UBE2E2: variants seen among roughly 807,000 people sequenced by gnomAD.
UBE2E2 encodes the protein ubiquitin conjugating enzyme E2 E2, also known as ubiquitin-conjugating enzyme E2 E2.
UBE2E2 carries 6 observed loss-of-function variants against 24.7 expected under a neutral mutation model. That is an observed-to-expected ratio of 0.24 (90% CI 0.13 to 0.48). The LOEUF (loss-of-function observed/expected upper bound fraction) is 0.48, where lower values mean the gene tolerates loss of function less well. UBE2E2 is among the 20% of genes least tolerant of loss of function. The pLI is 0.99. For synonymous variants in UBE2E2, 104 were observed against 83.6 expected, an observed-to-expected ratio of 1.24 and a Z score of -1.33; for missense variants, 169 against 245.0, an observed-to-expected ratio of 0.69 and a Z score of 2.07.
intron 3 of UBE2E2, among the ~76,000 whole-genome samples, chr3:23,467,549 A>G (rs1698947510): frequency 6.6e-6 from 1 of 152,188 alleles, no homozygotes; most frequent in Admixed American, 6.5e-5. Context: ...GTTGCAATCA[A>G]GATTAATGTA....
At chr3:23,277,533 T>G (rs189170757) in intron 3 of UBE2E2, among the ~76,000 whole-genome samples, 1 of 152,162 alleles carries the variant, frequency 6.6e-6, no homozygotes, top group Non-Finnish European at 1.5e-5. Flanking sequence ...CGTAAGTATT[T>G]CTCTAAGAAA....
At chr3:23,457,312 T>A (rs1698700683) in intron 3 of UBE2E2, among the ~76,000 whole-genome samples, 1 of 152,210 alleles carries the variant, frequency 6.6e-6, no homozygotes, top group African/African-American at 2.4e-5. Context: ...AGCTTCTTCC[T>A]GGAAGTTTTT....
At chr3:23,561,608 G>A (rs1241457961) in intron 5 of UBE2E2, among the ~76,000 whole-genome samples, 1 of 151,546 alleles carries the variant, frequency 6.6e-6, no homozygotes, top group Non-Finnish European at 1.5e-5. Flanking sequence ...ATTCTGTGAA[G>A]AAAGTCATTG....
chr3:23,451,193 G>C (rs1698554919), intron 3 of UBE2E2, among the ~76,000 whole-genome samples: 1 of 152,158 alleles, frequency 6.6e-6, no homozygotes, highest in Non-Finnish European at 1.5e-5. Flanking sequence ...TTTGAGTTTA[G>C]CCTGAGCAAC....
chr3:23,486,827 G>A (rs1402548167), intron 3 of UBE2E2, among the ~76,000 whole-genome samples: 2 of 152,174 alleles, frequency 1.3e-5, no homozygotes, highest in African/African-American at 4.8e-5. Context: ...CCTGGAAAAA[G>A]CACCATTCGA....
At chr3:23,439,403 C>T (rs914098507) in intron 3 of UBE2E2, among the ~76,000 whole-genome samples, 4 of 152,134 alleles carry the variant, frequency 2.6e-5, no homozygotes, top group African/African-American at 9.7e-5. Context: ...TCAGAGGCAC[C>T]CCTCCTCCTC....
intron 3 of UBE2E2, among the ~76,000 whole-genome samples, chr3:23,354,524 A>G (rs1336234649): frequency 1.3e-5 from 2 of 152,242 alleles, no homozygotes; most frequent in Non-Finnish European, 2.9e-5. Flanking sequence ...ATGAACTCCA[A>G]CAAATTTGCA....
chr3:23,504,292 C>T (rs1278223551), intron 4 of UBE2E2, among the ~76,000 whole-genome samples: 5 of 152,100 alleles, frequency 3.3e-5, no homozygotes, highest in African/African-American at 1.2e-4. Context: ...AGAAAGGGTG[C>T]CTAGTATTCC....
chr3:23,359,333 A>G (rs1696050373), intron 3 of UBE2E2, among the ~76,000 whole-genome samples: 1 of 152,196 alleles, frequency 6.6e-6, no homozygotes, highest in African/African-American at 2.4e-5. Context: ...CAACAAGATA[A>G]GAGTTGTACT....
intron 3 of UBE2E2, among the ~76,000 whole-genome samples, chr3:23,428,195 A>G (rs1697973359): frequency 1.3e-5 from 2 of 152,232 alleles, no homozygotes; most frequent in Admixed American, 6.5e-5. Context: ...ACTAATTTTA[A>G]AAATGCTGTG....
In UBE2E2 at chr3:23,430,395, A is replaced by G. The variant is rs553314802; in HGVS notation, c.228-69213A>G. ...TCATGTGTCAGGTAGTGATAGTAAC[A>G]CTACCTACCTCATAGGGCTGTTACA... On this transcript the variant is annotated intron_variant, in intron 3 of 5. Coordinates refer to ENST00000396703, the MANE Select transcript of UBE2E2 (RefSeq NM_152653.4). Among the ~76,000 whole-genome samples the G allele has an allele frequency of 1.1e-4, 17 of 152,042 alleles. No individual in the cohort carries two copies. The South Asian group carries it at 1.7e-3, about 15-fold the overall frequency.
At chr3:23,493,935 G>A (rs1699551596) in intron 3 of UBE2E2, among the ~76,000 whole-genome samples, 1 of 152,180 alleles carries the variant, frequency 6.6e-6, no homozygotes, top group African/African-American at 2.4e-5. Flanking sequence ...TCCAAGTTCT[G>A]TGAGTACAGT....
At position 23,590,110 on chromosome 3, in the gene UBE2E2, T is replaced by G. The variant is rs1373852183; in HGVS notation, c.*279T>G. On this transcript the variant is annotated 3_prime_UTR_variant, in exon 6 of 6. Transcript: ENST00000396703. ...CCCACCTCATCATAGATGGGAACTTTTGTTTTCAGTGCAAACAATGTTGGA... is the reference window on the plus strand; with the variant it reads ...CCCACCTCATCATAGATGGGAACTTGTGTTTTCAGTGCAAACAATGTTGGA... 5.9e-6 allele frequency: 2 copies of G among 341,358 alleles called. No individual in the cohort carries two copies. Among genetic ancestry groups the G allele is most frequent in the East Asian group, 9.5e-5 (2 of 21,074 alleles). The allele number at this position is 341,358 out of a possible 1,614,324, so 21.1% of individuals were successfully genotyped here. A position where few individuals can be genotyped will look rare whatever the true frequency, so the allele number is the denominator to read the frequency against.
At chr3:23,467,871 A>G (rs760192871) in intron 3 of UBE2E2, among the ~76,000 whole-genome samples, 4 of 152,164 alleles carry the variant, frequency 2.6e-5, no homozygotes, top group Non-Finnish European at 4.4e-5. Context: ...AAGGAGGCAC[A>G]TCTTCACATG....
intron 3 of UBE2E2, among the ~76,000 whole-genome samples, chr3:23,448,188 C>T (rs867388978): frequency 6.6e-6 from 1 of 152,136 alleles, no homozygotes; most frequent in South Asian, 2.1e-4. Flanking sequence ...CTGAGTCTGT[C>T]GAGGTTAGTG....
intron 3 of UBE2E2, among the ~76,000 whole-genome samples, chr3:23,374,855 A>G (rs1263327676): frequency 2.6e-5 from 4 of 152,120 alleles, no homozygotes; most frequent in Non-Finnish European, 4.4e-5. Flanking sequence ...GCTAGTCTCA[A>G]ACTCCTGATC....
Position 23,434,313 on chromosome 3 carries a change from C to A in UBE2E2, c.228-65295C>A, listed in dbSNP as rs556318228. Among the ~76,000 whole-genome samples, 4 of 152,170 alleles carry A rather than the reference C, an allele frequency of 2.6e-5. No individual in the cohort carries two copies. In the East Asian group the frequency reaches 7.7e-4, roughly 29 times the overall value. On this transcript the variant is annotated intron_variant, in intron 3 of 5. Transcript: ENST00000396703. Reference sequence around the variant, plus strand: ...AACATCCAATTGCTTACTAACATAACCTGGATTGTGATTTATCTCTAATTT... The same window carrying A: ...AACATCCAATTGCTTACTAACATAAACTGGATTGTGATTTATCTCTAATTT...
intron 3 of UBE2E2, among the ~76,000 whole-genome samples, chr3:23,457,454 C>T (rs1195501096): frequency 6.6e-6 from 1 of 152,226 alleles, no homozygotes; most frequent in African/African-American, 2.4e-5. Flanking sequence ...CCACCTTCAT[C>T]AGTGATCTTA....
chr3:23,239,670 GGA>G (rs1170975802), intron 3 of UBE2E2, among the ~76,000 whole-genome samples: 1 of 152,170 alleles, frequency 6.6e-6, no homozygotes, highest in Non-Finnish European at 1.5e-5. Context: ...GAAATAAGGG[GGA>G]GAGATGAGAT....
Sources: allele counts gnomAD v4.1 joint callset (sites outside exome capture counted in the v4.1 genomes callset), GRCh38; gene constraint gnomAD v4.1.1; transcripts MANE v1.5; gene names NCBI Gene and HGNC (gene_info 2026-07-23, HGNC 2026-07-21).